The following UNC13B variants were observed in gnomAD, a reference collection of about 807,000 sequenced individuals.
The protein encoded by UNC13B is protein unc-13 homolog B.
In UNC13B, 144 loss-of-function variants were observed where a neutral mutation model predicts 211.0. The observed-to-expected ratio is 0.68, with a 90% confidence interval of 0.60 to 0.78. The LOEUF is 0.78. Among genes scored for constraint, UNC13B ranks in the 30% least tolerant of loss-of-function variants. The pLI is 0.00. For synonymous variants in UNC13B, 709 were observed against 725.8 expected, an observed-to-expected ratio of 0.98 and a Z score of 0.37; for missense variants, 1,777 against 2,002.0, an observed-to-expected ratio of 0.89 and a Z score of 2.14.
intron 14 of UNC13B, 69 bp downstream of exon 14, chr9:35,375,270 A>G (rs1587723391): frequency 1.3e-6 from 2 of 1,525,056 alleles, no homozygotes; most frequent in East Asian, 2.3e-5. Flanking sequence ...TAGCCATGCT[A>G]TTAATAATTG....
At position 35,194,450 on chromosome 9, in the gene UNC13B, C is replaced by T. The variant is rs74425468; in HGVS notation, c.22+32145C>T. ...CCAGAAATCCTCAGTTGCTCTAGAA[C>T]CTCTTACAGCCCCGCACAATGGCTA... is the stretch of plus-strand genomic sequence containing the variant. On this transcript the variant is annotated intron_variant, in intron 1 of 39. Transcript: ENST00000635942. 6.6e-3 allele frequency among the ~76,000 whole-genome samples: 1,003 copies of T among 152,292 alleles called. 42 individuals are homozygous for T. The East Asian group carries it at 0.11, about 16-fold the overall frequency.
intron 6 of UNC13B, among the ~76,000 whole-genome samples, chr9:35,250,105 A>G (rs1826369833): frequency 6.6e-6 from 1 of 151,838 alleles, no homozygotes; most frequent in Admixed American, 6.6e-5. Flanking sequence ...AGGGTATGGC[A>G]TTCACTAAGT....
At chr9:35,352,087 A>G in intron 11 of UNC13B, 1 of 1,232,114 alleles carries the variant, frequency 8.1e-7, no homozygotes, top group Non-Finnish European at 1.0e-6. Context: ...TACTGAGTGA[A>G]ATAGAAGGCT....
intron 7 of UNC13B, among the ~76,000 whole-genome samples, chr9:35,294,730 G>A (rs1439806072): frequency 2.0e-5 from 3 of 152,192 alleles, no homozygotes; most frequent in South Asian, 2.1e-4. Flanking sequence ...GAAAGGACAC[G>A]TGGAACCCTG....
At chr9:35,366,896 C>T (rs1253188261) in intron 11 of UNC13B, 51 bp from the exon 12 acceptor site, 15 of 1,487,420 alleles carry the variant, frequency 1.0e-5, no homozygotes, top group Admixed American at 1.7e-5. Flanking sequence ...AGATTACAGG[C>T]AATCTCCCAT....
intron 6 of UNC13B, 22 bp from the exon 7 acceptor site, chr9:35,258,971 A>AT: frequency 6.2e-7 from 1 of 1,607,094 alleles, no homozygotes; most frequent in East Asian, 2.2e-5. Flanking sequence ...TTATTTATTT[A>AT]TTTTCTCCTT....
Position 35,325,775 on chromosome 9 carries a change from A to G in UNC13B, c.9414+11786A>G, listed in dbSNP as rs1830971653. Among the ~76,000 whole-genome samples the G allele has an allele frequency of 2.0e-5, 3 of 152,186 alleles. No individual in the cohort carries two copies. In the South Asian group the frequency reaches 6.2e-4, roughly 32 times the overall value. ...ACCAGCCTGTAGCAACCATGAATTT[A>G]CTTTCTGTAGATTTGTCTGGACATT... On this transcript the variant is annotated intron_variant, in intron 11 of 39. Transcript: ENST00000635942.
intron 13 of UNC13B, among the ~76,000 whole-genome samples, chr9:35,374,394 T>C (rs972979068): frequency 1.8e-5 from 2 of 112,316 alleles, no homozygotes; most frequent in African/African-American, 8.2e-5. Context: ...CAGCCCCAGC[T>C]CTCAGACTTA....
intron 11 of UNC13B, chr9:35,352,613 CAG>C (rs1366262589): frequency 1.6e-6 from 2 of 1,232,004 alleles, no homozygotes; most frequent in African/African-American, 1.6e-5. Flanking sequence ...TCAGGATCAA[CAG>C]AGAGAGCACC....
rs138070016 is a variant in UNC13B at position 35,177,695 on chromosome 9, G to T, written c.22+15390G>T. ...ACATTTATTGAGCACTTAACTATGGGTGAGGCATTGAACTTGTCACCCTGG... is the reference window on the plus strand; with the variant it reads ...ACATTTATTGAGCACTTAACTATGGTTGAGGCATTGAACTTGTCACCCTGG... On this transcript the variant is annotated intron_variant, in intron 1 of 39. Coordinates refer to ENST00000635942, the MANE Select transcript of UNC13B (RefSeq NM_001371189.2). Among the ~76,000 whole-genome samples, 168 of 152,290 alleles carry T rather than the reference G, an allele frequency of 1.1e-3. 1 individual carries two copies. Among genetic ancestry groups the T allele is most frequent in the Admixed American group, 3.5e-3 (54 of 15,290 alleles).
At chr9:35,176,442 G>T (rs1343871757) in intron 1 of UNC13B, among the ~76,000 whole-genome samples, 1 of 151,996 alleles carries the variant, frequency 6.6e-6, no homozygotes, top group Non-Finnish European at 1.5e-5. Flanking sequence ...CAGCTACTCG[G>T]GACTCTGAGG....
intron 18 of UNC13B, 31 bp from the exon 19 acceptor site, chr9:35,381,069 G>A (rs1834798266): frequency 6.3e-7 from 1 of 1,596,094 alleles, no homozygotes; most frequent in African/African-American, 1.3e-5. Flanking sequence ...AGTTGCATTG[G>A]TGTCAATCTC....
intron 24 of UNC13B, among the ~76,000 whole-genome samples, chr9:35,389,323 G>C (rs1318945895): frequency 1.3e-5 from 2 of 152,102 alleles, no homozygotes; most frequent in Admixed American, 6.5e-5. Flanking sequence ...GGGATCAAGG[G>C]AAGTCCTACT....
chr9:35,397,652 G>A lies in UNC13B; in HGVS notation c.11694G>A (p.Leu3898=). 6.2e-7 allele frequency: 1 copy of A among 1,613,866 alleles called. No homozygotes were observed. Among genetic ancestry groups the A allele is most frequent in the East Asian group, 2.2e-5 (1 of 44,890 alleles). ...RRFAKTIGKV[L]MQYADILSKD... ...CTTCTCAGACCATCGGGAAGGTGCT[G>A]ATGCAGTATGCAGACATCTTGTCAA... The change falls in exon 30 of 40, where the codon CTG becomes CTA. Residue 3898 remains leucine, a synonymous_variant. Coordinates refer to ENST00000635942, the MANE Select transcript of UNC13B (RefSeq NM_001371189.2).
intron 11 of UNC13B, chr9:35,352,312 G>T: frequency 8.1e-7 from 1 of 1,232,052 alleles, no homozygotes; most frequent in Non-Finnish European, 1.0e-6. Flanking sequence ...AGGCTTACAG[G>T]GCAGGCACAT....
chr9:35,391,035 G>T (rs1796473942), intron 26 of UNC13B, among the ~76,000 whole-genome samples: 1 of 152,194 alleles, frequency 6.6e-6, no homozygotes, highest in African/African-American at 2.4e-5. Context: ...CTGGAGAATG[G>T]TCTTGGGAAA....
At chr9:35,274,139 G>C (rs1020042066) in intron 7 of UNC13B, among the ~76,000 whole-genome samples, 1 of 152,136 alleles carries the variant, frequency 6.6e-6, no homozygotes, top group Non-Finnish European at 1.5e-5. Context: ...CTTATTTTCC[G>C]TATGACAGTA....
intron 17 of UNC13B, among the ~76,000 whole-genome samples, chr9:35,380,020 T>C (rs981472506): frequency 2.6e-5 from 4 of 152,136 alleles, no homozygotes; most frequent in African/African-American, 9.7e-5. Flanking sequence ...GAGAGTTAGA[T>C]AGAAAGCCAA....
chr9:35,348,862 A>G (rs1300402522), intron 11 of UNC13B, among the ~76,000 whole-genome samples: 1 of 152,126 alleles, frequency 6.6e-6, no homozygotes, highest in Non-Finnish European at 1.5e-5. Context: ...GCACTTGCTC[A>G]TGGCTTCATG....
Sources: gnomAD v4.1 joint callset for allele counts (sites outside exome capture counted in the v4.1 genomes callset) on GRCh38, gnomAD v4.1.1 for gene constraint, MANE v1.5 for transcripts, NCBI Gene and HGNC (gene_info 2026-07-23, HGNC 2026-07-21) for gene names.